Variants in CAMTA1 observed in about 807,000 individuals in gnomAD.
The protein encoded by CAMTA1 is calmodulin-binding transcription activator 1.
Under a neutral mutation model 170.9 loss-of-function variants are expected in CAMTA1, and 27 were observed. That is an observed-to-expected ratio of 0.16 (90% CI 0.12 to 0.22). The LOEUF (loss-of-function observed/expected upper bound fraction) is 0.22, where lower values mean the gene tolerates loss of function less well. CAMTA1 is among the 10% of genes least tolerant of loss of function. CAMTA1 has a pLI of 1.00. For missense variants in CAMTA1, 1,619 were observed against 2,217.2 expected, an observed-to-expected ratio of 0.73 and a Z score of 5.42; for synonymous variants, 833 against 891.5, an observed-to-expected ratio of 0.93 and a Z score of 1.17.
At chr1:7,188,444 T>C (rs887677627) in intron 4 of CAMTA1, among the ~76,000 whole-genome samples, 1 of 152,204 alleles carries the variant, frequency 6.6e-6, no homozygotes, top group Non-Finnish European at 1.5e-5. Flanking sequence ...AAACTGAAAC[T>C]CTGTACCCAT....
chr1:7,647,568 C>T (rs1023116044), intron 7 of CAMTA1, among the ~76,000 whole-genome samples: 1 of 152,222 alleles, frequency 6.6e-6, no homozygotes, highest in African/African-American at 2.4e-5. Context: ...TGTTTGGGGA[C>T]CTGCTCTGTA....
rs981427116 is a variant in CAMTA1, at chr1:6,913,668, G to C, written c.234+88458G>C. 2.0e-5 allele frequency among the ~76,000 whole-genome samples: 3 copies of C among 152,204 alleles called. 1 individual carries two copies. Among genetic ancestry groups the C allele is most frequent in the Admixed American group, 2.0e-4 (3 of 15,290 alleles). On this transcript the variant is annotated intron_variant, in intron 3 of 22. Transcript: ENST00000303635. ...TTCTGTTTGATTCAGCACAAACTGT[G>C]CTGTGCCAGGCCCTGTGCTCAGTTC...
intron 5 of CAMTA1, among the ~76,000 whole-genome samples, chr1:7,262,194 G>GGACT (rs971779699): frequency 3.3e-5 from 5 of 152,106 alleles, no homozygotes; most frequent in Admixed American, 3.3e-4. Flanking sequence ...GGCCTTCCAT[G>GGACT]GACTGATCAG....
intron 7 of CAMTA1, among the ~76,000 whole-genome samples, chr1:7,655,057 C>T (rs1576628571): frequency 6.9e-6 from 1 of 144,364 alleles, no homozygotes; most frequent in East Asian, 2.1e-4. Flanking sequence ...CACACCTATA[C>T]AAACACACCC....
At chr1:7,540,895 A>C (rs2094602591) in intron 6 of CAMTA1, among the ~76,000 whole-genome samples, 1 of 152,232 alleles carries the variant, frequency 6.6e-6, no homozygotes, top group African/African-American at 2.4e-5. Context: ...TTAGTTGCAC[A>C]AAGTTGCTGC....
Position 7,648,121 on chromosome 1 carries a change from T to C in CAMTA1, c.664+7568T>C, listed in dbSNP as rs574007533. On this transcript the variant is annotated intron_variant, in intron 7 of 22. Coordinates refer to ENST00000303635, the MANE Select transcript of CAMTA1 (RefSeq NM_015215.4). ...AGAGAGAAGAGAAGAGGGCTGGACA[T>C]GGTGGCTGACACCTTTAATCCCAGC... 5.3e-5 allele frequency among the ~76,000 whole-genome samples: 8 copies of C among 152,138 alleles called. No homozygotes were observed. The East Asian group carries it at 1.6e-3, about 29-fold the overall frequency.
chr1:7,038,875 A>G lies in CAMTA1; in HGVS notation c.235-52429A>G, dbSNP rs375102342. Among the ~76,000 whole-genome samples the G allele has an allele frequency of 2.0e-4, 30 of 152,194 alleles. No individual in the cohort carries two copies. The East Asian group carries it at 4.5e-3, about 23-fold the overall frequency. On this transcript the variant is annotated intron_variant, in intron 3 of 22. Coordinates refer to ENST00000303635, the MANE Select transcript of CAMTA1 (RefSeq NM_015215.4). ...GCCAACATGGTGAAACCCTGTCTCT[A>G]CCAAAAATACAAAAATTAGCCGGTC...
chr1:7,390,728 C>T (rs886798904), intron 5 of CAMTA1, among the ~76,000 whole-genome samples: 3 of 152,250 alleles, frequency 2.0e-5, no homozygotes, highest in Admixed American at 6.5e-5. Flanking sequence ...AAAAGAGCAC[C>T]TCTCCCCCAC....
chr1:6,989,529 A>G (rs995206612), intron 3 of CAMTA1, among the ~76,000 whole-genome samples: 10 of 152,160 alleles, frequency 6.6e-5, no homozygotes, highest in African/African-American at 2.4e-4. Context: ...GTGGGAATTG[A>G]AAGTTTTTTT....
At chr1:7,165,373 C>T (rs895623886) in intron 4 of CAMTA1, among the ~76,000 whole-genome samples, 4 of 152,176 alleles carry the variant, frequency 2.6e-5, no homozygotes, top group Non-Finnish European at 4.4e-5. Context: ...TACACATAAT[C>T]TTGATCTAAT....
At chr1:6,836,998 C>T (rs1260851354) in intron 3 of CAMTA1, among the ~76,000 whole-genome samples, 2 of 148,090 alleles carry the variant, frequency 1.4e-5, no homozygotes, top group Non-Finnish European at 3.0e-5. Flanking sequence ...AGTGCAGTGG[C>T]GCAATCTCGG....
chr1:7,261,673 A>T (rs1668193772), intron 5 of CAMTA1, among the ~76,000 whole-genome samples: 2 of 152,222 alleles, frequency 1.3e-5, no homozygotes, highest in Admixed American at 1.3e-4. Context: ...TAACAGAGTC[A>T]GGGAGGGCTT....
chr1:7,036,566 A>T (rs1179026886), intron 3 of CAMTA1, among the ~76,000 whole-genome samples: 1 of 152,248 alleles, frequency 6.6e-6, no homozygotes, highest in Non-Finnish European at 1.5e-5. Flanking sequence ...TGCTGATGTC[A>T]TGCAGTGAGT....
intron 6 of CAMTA1, among the ~76,000 whole-genome samples, chr1:7,543,970 G>A (rs150162436): frequency 7.0e-4 from 106 of 152,166 alleles, no homozygotes; most frequent in African/African-American, 2.4e-3. Flanking sequence ...CCTTGCTGCC[G>A]TATTCTCAAA....
intron 5 of CAMTA1, among the ~76,000 whole-genome samples, chr1:7,379,054 C>T (rs1464055355): frequency 6.6e-6 from 1 of 152,232 alleles, no homozygotes; most frequent in Non-Finnish European, 1.5e-5. Context: ...TCTTGAGCAC[C>T]TGATGGTGAA....
chr1:6,985,844 G>A (rs1482342611), intron 3 of CAMTA1, among the ~76,000 whole-genome samples: 1 of 152,138 alleles, frequency 6.6e-6, no homozygotes, highest in Non-Finnish European at 1.5e-5. Flanking sequence ...TTCACACATC[G>A]CTGACTAACA....
chr1:7,226,032 C>A (rs980748299), intron 4 of CAMTA1, among the ~76,000 whole-genome samples: 7 of 152,194 alleles, frequency 4.6e-5, no homozygotes, highest in Non-Finnish European at 8.8e-5. Flanking sequence ...CCCCTTGAGG[C>A]AGGTGTTTCC....
At chr1:7,549,524 T>C (rs1307995606) in intron 6 of CAMTA1, among the ~76,000 whole-genome samples, 1 of 152,160 alleles carries the variant, frequency 6.6e-6, no homozygotes, top group Non-Finnish European at 1.5e-5. Flanking sequence ...TCCAATGCCC[T>C]GGGGCATTCA....
chr1:7,275,987 C>T (rs1047661615), intron 5 of CAMTA1, among the ~76,000 whole-genome samples: 3 of 151,536 alleles, frequency 2.0e-5, no homozygotes, highest in Non-Finnish European at 4.4e-5. Flanking sequence ...TGTAAAAATC[C>T]ATAACAAGAT....
Sources: gnomAD v4.1 joint callset for allele counts (sites outside exome capture counted in the v4.1 genomes callset) on GRCh38, gnomAD v4.1.1 for gene constraint, MANE v1.5 for transcripts, NCBI Gene and HGNC (gene_info 2026-07-23, HGNC 2026-07-21) for gene names.